Variants in NRG2 observed in about 807,000 individuals in gnomAD.
NRG2 encodes the protein pro-neuregulin-2, membrane-bound isoform.
A neutral mutation model predicts 73.9 loss-of-function variants in NRG2; 27 were observed. That is an observed-to-expected ratio of 0.37 (90% CI 0.27 to 0.50). The LOEUF is 0.50. Among genes scored for constraint, NRG2 ranks in the 20% least tolerant of loss-of-function variants. The pLI is 0.96. For missense variants in NRG2, 1,126 were observed against 1,210.1 expected, an observed-to-expected ratio of 0.93 and a Z score of 1.03; for synonymous variants, 532 against 541.0, an observed-to-expected ratio of 0.98 and a Z score of 0.23.
At chr5:140,038,127 T>C (rs1761646485) in intron 1 of NRG2, among the ~76,000 whole-genome samples, 1 of 152,046 alleles carries the variant, frequency 6.6e-6, no homozygotes. Flanking sequence ...ATAAATATAA[T>C]TTTATAAAGA....
chr5:139,922,427 C>G (rs774780802), intron 1 of NRG2, among the ~76,000 whole-genome samples: 1 of 152,114 alleles, frequency 6.6e-6, no homozygotes, highest in Non-Finnish European at 1.5e-5. Flanking sequence ...TAGAATGCCC[C>G]GAATCCAAAA....
At chr5:139,901,219 A>C (rs1017678748) in intron 1 of NRG2, among the ~76,000 whole-genome samples, 1 of 152,244 alleles carries the variant, frequency 6.6e-6, no homozygotes, top group Non-Finnish European at 1.5e-5. Flanking sequence ...ACCTGGGATG[A>C]AGACTGATGA....
intron 1 of NRG2, among the ~76,000 whole-genome samples, chr5:139,917,228 C>T (rs1043622106): frequency 2.6e-5 from 4 of 152,074 alleles, no homozygotes; most frequent in South Asian, 2.1e-4. Flanking sequence ...TTGGAAAGTA[C>T]ATTACTTTAT....
intron 3 of NRG2, among the ~76,000 whole-genome samples, chr5:139,880,644 C>A (rs768578361): frequency 2.6e-5 from 4 of 151,946 alleles, no homozygotes; most frequent in Admixed American, 6.6e-5. Flanking sequence ...TGAGAGCTGG[C>A]GGCTCTTCCA....
chr5:139,953,496 C>A (rs753211320), intron 1 of NRG2, among the ~76,000 whole-genome samples: 2 of 152,146 alleles, frequency 1.3e-5, no homozygotes, highest in African/African-American at 4.8e-5. Context: ...CCCTTCCCAC[C>A]GCTCTCATCC....
intron 1 of NRG2, among the ~76,000 whole-genome samples, chr5:139,899,750 G>A (rs937115349): frequency 6.6e-6 from 1 of 152,184 alleles, no homozygotes; most frequent in Admixed American, 6.5e-5. Flanking sequence ...ATCTGATGGG[G>A]AGGGCCTGCT....
chr5:139,884,634 C>T (rs975407768), intron 2 of NRG2, among the ~76,000 whole-genome samples: 2 of 152,140 alleles, frequency 1.3e-5, no homozygotes, highest in South Asian at 4.1e-4. Flanking sequence ...ACATAAGCCA[C>T]ATTTTTTTTT....
At chr5:139,958,841 G>A (rs543278368) in intron 1 of NRG2, among the ~76,000 whole-genome samples, 6 of 152,078 alleles carry the variant, frequency 3.9e-5, no homozygotes, top group African/African-American at 9.6e-5. Flanking sequence ...CAAGAACCAG[G>A]AGCCAAGTAC....
chr5:139,972,522 C>T (rs548724268), intron 1 of NRG2, among the ~76,000 whole-genome samples: 2 of 152,306 alleles, frequency 1.3e-5, no homozygotes, highest in African/African-American at 4.8e-5. Flanking sequence ...GTCAGGAGTC[C>T]AAGACCAGCC....
chr5:139,987,604 C>T (rs1185141755), intron 1 of NRG2, among the ~76,000 whole-genome samples: 1 of 152,114 alleles, frequency 6.6e-6, no homozygotes, highest in African/African-American at 2.4e-5. Flanking sequence ...GAGACTGTCC[C>T]TGAATACAGA....
At chr5:139,979,999 GAAACA>G (rs769415891) in intron 1 of NRG2, among the ~76,000 whole-genome samples, 22 of 152,166 alleles carry the variant, frequency 1.4e-4, no homozygotes, top group East Asian at 5.8e-4. Context: ...GGTAACACCA[GAAACA>G]AAACAAAACA....
At chr5:139,933,212 T>C (rs933369016) in intron 1 of NRG2, among the ~76,000 whole-genome samples, 1 of 151,652 alleles carries the variant, frequency 6.6e-6, no homozygotes, top group African/African-American at 2.4e-5. Context: ...GAGGTGGAGG[T>C]TGCAGTGAGC....
chr5:139,969,185 CA>C lies in NRG2; in HGVS notation c.700+73184del, dbSNP rs373738702. The stretch of plus-strand genomic sequence containing the variant: ...AAAGGGCCATTCTAATTTAACCCGC[CA>C]AGATTAAGGCCAACATATCTGGCTT... On this transcript the variant is annotated intron_variant, in intron 1 of 9. Coordinates refer to ENST00000361474, the MANE Select transcript of NRG2 (RefSeq NM_004883.3). Among the ~76,000 whole-genome samples, 415 of 152,370 alleles carry C rather than the reference CA, an allele frequency of 2.7e-3. 3 individuals are homozygous for C. The highest frequency in any genetic ancestry group is 9.7e-3 in the African/African-American group (403 of 41,584).
Position 139,938,875 on chromosome 5 carries a change from A to AAG in NRG2, c.701-51365_701-51364insCT, listed in dbSNP as rs1561693468. ...AAGAGAGAGAGAGAGAGAGAGAGAG[A>AAG]GAGAGAAGGAAAGAAAGAAAGAAAG... is the stretch of plus-strand genomic sequence containing the variant. On this transcript the variant is annotated intron_variant, in intron 1 of 9. Transcript: ENST00000361474. 6.5e-4 allele frequency among the ~76,000 whole-genome samples: 67 copies of AAG among 102,800 alleles called. 4 individuals are homozygous for AAG. The highest frequency in any genetic ancestry group is 5.3e-3 in the Middle Eastern group (1 of 188). The allele number at this position is 102,800 out of a possible 152,430, so 67.4% of individuals were successfully genotyped here.
At chr5:139,848,775 G>GGGGGGGGGGGGGGT in intron 9 of NRG2, 78 bp from the exon 10 acceptor site, 1 of 601,720 alleles carries the variant, frequency 1.7e-6, no homozygotes, top group East Asian at 4.9e-5. Context: ...GTGGGGTAGG[G>GGGGGGGGGGGGGGT]TGGGAGGGGC....
intron 1 of NRG2, among the ~76,000 whole-genome samples, chr5:139,919,305 G>A (rs1302198729): frequency 6.6e-6 from 1 of 152,026 alleles, no homozygotes; most frequent in Non-Finnish European, 1.5e-5. Context: ...TAGCTTGTAT[G>A]CATCAGCTGC....
At chr5:139,929,721 T>A (rs1278881598) in intron 1 of NRG2, among the ~76,000 whole-genome samples, 6 of 152,152 alleles carry the variant, frequency 3.9e-5, no homozygotes. Context: ...GCTTCCCCCC[T>A]TGGTCAAAAG....
intron 1 of NRG2, among the ~76,000 whole-genome samples, chr5:140,041,863 A>C (rs564203237): frequency 8.7e-4 from 133 of 152,152 alleles, no homozygotes; most frequent in African/African-American, 3.0e-3. Context: ...GAGAGGAAGG[A>C]GGGGGCGGGG....
intron 1 of NRG2, among the ~76,000 whole-genome samples, chr5:139,939,997 C>G (rs1353728146): frequency 6.6e-6 from 1 of 152,160 alleles, no homozygotes; most frequent in African/African-American, 2.4e-5. Context: ...AGACATGGAG[C>G]AACTGGAACT....
Sources: allele counts gnomAD v4.1 joint callset (sites outside exome capture counted in the v4.1 genomes callset), GRCh38; gene constraint gnomAD v4.1.1; transcripts MANE v1.5; gene names NCBI Gene and HGNC (gene_info 2026-07-23, HGNC 2026-07-21).